CA10: variants seen among roughly 807,000 people sequenced by gnomAD.
CA10 encodes the protein carbonic anhydrase 10 (inactive), also known as carbonic anhydrase-related protein 10.
A neutral mutation model predicts 44.2 loss-of-function variants in CA10; 14 were observed. The observed-to-expected ratio is 0.32, with a 90% CI of 0.21 to 0.50. CA10 has a LOEUF of 0.50. Among genes scored for constraint, CA10 ranks in the 20% least tolerant of loss-of-function variants. The probability of loss-of-function intolerance (pLI) is 0.99; values close to 1 mark genes in which losing one functional copy is unlikely to be tolerated. For missense variants in CA10, 350 were observed against 409.7 expected, an observed-to-expected ratio of 0.85 and a Z score of 1.26; for synonymous variants, 159 against 141.6, an observed-to-expected ratio of 1.12 and a Z score of -0.87.
chr17:51,807,736 AATG>A (rs1165420323), intron 3 of CA10, among the ~76,000 whole-genome samples: 1 of 152,252 alleles, frequency 6.6e-6, no homozygotes, highest in African/African-American at 2.4e-5. Flanking sequence ...TAACAGATAC[AATG>A]ATGTGCAAAA....
At chr17:51,766,944 G>T (rs1188036907) in intron 3 of CA10, among the ~76,000 whole-genome samples, 1 of 152,190 alleles carries the variant, frequency 6.6e-6, no homozygotes, top group African/African-American at 2.4e-5. Context: ...CCGTTAGCTT[G>T]CTCCATCCTT....
intron 2 of CA10, among the ~76,000 whole-genome samples, chr17:51,980,165 C>A (rs890487564): frequency 1.3e-5 from 2 of 152,066 alleles, no homozygotes; most frequent in African/African-American, 2.4e-5. Context: ...TAAGTGTTTC[C>A]TTTTCTCCAC....
intron 3 of CA10, among the ~76,000 whole-genome samples, chr17:51,917,848 T>C (rs1982066444): frequency 6.6e-6 from 1 of 152,182 alleles, no homozygotes; most frequent in South Asian, 2.1e-4. Flanking sequence ...CCCAACTATA[T>C]TACTGTGGGA....
intron 1 of CA10, among the ~76,000 whole-genome samples, chr17:52,083,581 C>T (rs565735316): frequency 6.6e-6 from 1 of 152,118 alleles, no homozygotes; most frequent in Non-Finnish European, 1.5e-5. Flanking sequence ...CCCACCCTTC[C>T]AAGTCTCCAA....
chr17:51,994,804 T>G (rs557065309), intron 2 of CA10, among the ~76,000 whole-genome samples: 160 of 150,964 alleles, frequency 1.1e-3, no homozygotes, highest in Non-Finnish European at 1.8e-3. Context: ...CAAAAAGAAT[T>G]GAATGATTTA....
At chr17:51,668,117 G>A (rs1381756897) in intron 4 of CA10, among the ~76,000 whole-genome samples, 1 of 152,216 alleles carries the variant, frequency 6.6e-6, no homozygotes, top group Non-Finnish European at 1.5e-5. Flanking sequence ...GGCAAAGGTT[G>A]TTTCCAGTAG....
intron 2 of CA10, among the ~76,000 whole-genome samples, chr17:52,026,609 C>T (rs1480127509): frequency 1.3e-5 from 2 of 152,090 alleles, no homozygotes; most frequent in African/African-American, 4.8e-5. Context: ...AGAAAACTAA[C>T]AATCATGGCA....
chr17:51,977,534 A>C (rs143350552), intron 2 of CA10, among the ~76,000 whole-genome samples: 1 of 152,098 alleles, frequency 6.6e-6, no homozygotes, highest in South Asian at 2.1e-4. Context: ...AATGGGGGGA[A>C]GTCTTCAAAC....
At chr17:51,838,908 A>C (rs1414801418) in intron 3 of CA10, among the ~76,000 whole-genome samples, 2 of 152,214 alleles carry the variant, frequency 1.3e-5, no homozygotes, top group Non-Finnish European at 2.9e-5. Flanking sequence ...AGACTCTATG[A>C]ATAATAAAGC....
intron 4 of CA10, among the ~76,000 whole-genome samples, chr17:51,719,713 C>A (rs761735944): frequency 6.6e-6 from 1 of 151,830 alleles, no homozygotes; most frequent in Non-Finnish European, 1.5e-5. Context: ...ATAGTGAGAT[C>A]GTATCTTTAC....
intron 3 of CA10, among the ~76,000 whole-genome samples, chr17:51,925,461 A>G (rs1982391064): frequency 6.6e-6 from 1 of 152,088 alleles, no homozygotes; most frequent in African/African-American, 2.4e-5. Context: ...CTGTGAGGAT[A>G]TGGAAAGATT....
intron 2 of CA10, among the ~76,000 whole-genome samples, chr17:52,019,872 T>C (rs1336545193): frequency 2.6e-5 from 4 of 151,984 alleles, no homozygotes; most frequent in Non-Finnish European, 2.9e-5. Flanking sequence ...TTCCTGTTAT[T>C]TACTTACAGT....
At chr17:51,853,260 C>G (rs1978882888) in intron 3 of CA10, among the ~76,000 whole-genome samples, 1 of 152,150 alleles carries the variant, frequency 6.6e-6, no homozygotes, top group African/African-American at 2.4e-5. Flanking sequence ...TGATTAAATA[C>G]TGCAGTGATC....
In CA10 at chr17:51,747,777, A is replaced by G; in HGVS notation, c.321T>C (p.Leu107=). The G allele has an allele frequency of 1.2e-6, 2 of 1,614,032 alleles. No homozygotes were observed. The highest frequency in any genetic ancestry group is 1.7e-6 in the Non-Finnish European group (2 of 1,179,932). The change falls in exon 4 of 9, where the codon CTT becomes CTC. Residue 107 remains leucine (L), a synonymous_variant. Transcript: ENST00000451037. Reference sequence around the variant, plus strand: ...TGACCAAGTGCTCCTTGTCCAGGCGAAGGGATACGTGTCTTCCAGTGTTGT... The same window carrying G: ...TGACCAAGTGCTCCTTGTCCAGGCGGAGGGATACGTGTCTTCCAGTGTTGT... ...TMYNTGRHVS[L]RLDKEHLVNI...
intron 3 of CA10, among the ~76,000 whole-genome samples, chr17:51,887,896 G>A (rs546368707): frequency 6.6e-6 from 1 of 151,498 alleles, no homozygotes; most frequent in Non-Finnish European, 1.5e-5. Flanking sequence ...TGTGGTGGCA[G>A]GTGCCTGTAA....
chr17:51,820,405 A>ACCCCCCCCCCCCCC (rs748623140), intron 3 of CA10, among the ~76,000 whole-genome samples: 1 of 39,172 alleles, frequency 2.6e-5, no homozygotes, highest in Non-Finnish European at 4.1e-5. Context: ...GGATTCCCCT[A>ACCCCCCCCCCCCCC]CCCCCCCCCC....
chr17:51,726,851 C>A (rs758766300), intron 4 of CA10, among the ~76,000 whole-genome samples: 1 of 152,156 alleles, frequency 6.6e-6, no homozygotes, highest in Non-Finnish European at 1.5e-5. Context: ...CCTCATTTGA[C>A]AAACAAGAGG....
At chr17:52,067,525 T>A (rs117911416) in intron 2 of CA10, among the ~76,000 whole-genome samples, 3,537 of 152,002 alleles carry the variant, frequency 0.023, 116 homozygotes, top group Admixed American at 0.096. Context: ...TCCTACAGAG[T>A]CCCCACTGGG....
chr17:51,956,662 T>A (rs750003798), intron 2 of CA10, among the ~76,000 whole-genome samples: 1 of 152,158 alleles, frequency 6.6e-6, no homozygotes, highest in Admixed American at 6.5e-5. Context: ...ATCTTACCCA[T>A]CCTTAAACAT....
Sources: allele counts gnomAD v4.1 joint callset (sites outside exome capture counted in the v4.1 genomes callset), GRCh38; gene constraint gnomAD v4.1.1; transcripts MANE v1.5; gene names NCBI Gene and HGNC (gene_info 2026-07-23, HGNC 2026-07-21).